ZDHHC15: variants seen among roughly 807,000 people sequenced by gnomAD.
ZDHHC15 encodes the protein palmitoyltransferase ZDHHC15.
Under a neutral mutation model 31.7 loss-of-function variants are expected in ZDHHC15, and 19 were observed. The observed-to-expected ratio is 0.60, with a 90% CI of 0.42 to 0.88. The LOEUF (loss-of-function observed/expected upper bound fraction) is 0.88. Among genes scored for constraint, ZDHHC15 ranks in the 40% least tolerant of loss-of-function variants. The probability of loss-of-function intolerance (pLI) is 0.00; values close to 1 mark genes in which losing one functional copy is unlikely to be tolerated. For missense variants in ZDHHC15, 209 were observed against 251.2 expected, an observed-to-expected ratio of 0.83 and a Z score of 1.14; for synonymous variants, 103 against 90.0, an observed-to-expected ratio of 1.14 and a Z score of -0.82.
At chrX:75,497,855 C>A (rs185286478) in intron 2 of ZDHHC15, among the ~76,000 whole-genome samples, 2 of 110,767 alleles carry the variant, frequency 1.8e-5, no homozygotes, top group Admixed American at 1.9e-4. Context: ...CTATGACAAA[C>A]ACACAGCCAA....
chrX:75,424,911 T>C (rs2083693733), intron 7 of ZDHHC15, 127 bp from the exon 8 acceptor site: 1 of 749,157 alleles, frequency 1.3e-6, no homozygotes, highest in Non-Finnish European at 1.8e-6. Flanking sequence ...ATAGATTCTG[T>C]AAAATTTTTA....
At chrX:75,403,813 G>A (rs2083382840) in intron 10 of ZDHHC15, among the ~76,000 whole-genome samples, 1 of 111,960 alleles carries the variant, frequency 8.9e-6, no homozygotes, top group Admixed American at 9.5e-5. Flanking sequence ...TGGAAGCAAT[G>A]TACAGATTCC....
chrX:75,488,972 A>T (rs7888563), intron 2 of ZDHHC15, among the ~76,000 whole-genome samples: 1 of 110,706 alleles, frequency 9.0e-6, no homozygotes, highest in East Asian at 2.9e-4. Flanking sequence ...GGTTCGGAGG[A>T]TCCTACACCC....
chrX:75,471,385 G>A (rs2084501083), intron 3 of ZDHHC15, among the ~76,000 whole-genome samples: 1 of 112,275 alleles, frequency 8.9e-6, no homozygotes. Flanking sequence ...TGTGTAAGAA[G>A]TAGCAAATAC....
intron 10 of ZDHHC15, among the ~76,000 whole-genome samples, chrX:75,390,703 C>T (rs1198569169): frequency 9.0e-6 from 1 of 111,320 alleles, no homozygotes; most frequent in Non-Finnish European, 1.9e-5. Flanking sequence ...TAGATCACAA[C>T]ACCCAAATCC....
chrX:75,518,769 G>GTATATATGTATATA (rs2085398755), intron 1 of ZDHHC15, among the ~76,000 whole-genome samples: 1 of 32,586 alleles, frequency 3.1e-5, no homozygotes, highest in African/African-American at 1.8e-4. Flanking sequence ...TAACAAACTG[G>GTATATATGTATATA]TATATATATA....
At chrX:75,451,948 C>A (rs1164396459) in intron 3 of ZDHHC15, among the ~76,000 whole-genome samples, 4 of 111,372 alleles carry the variant, frequency 3.6e-5, no homozygotes, top group Middle Eastern at 4.6e-3. Context: ...TAAAGACCAT[C>A]GATGCTAGGA....
chrX:75,450,505 A>C (rs373520226), intron 4 of ZDHHC15, among the ~76,000 whole-genome samples: 7 of 112,199 alleles, frequency 6.2e-5, no homozygotes, highest in East Asian at 5.6e-4. Context: ...CAGAAACATA[A>C]GATGGCTTGA....
At chrX:75,479,267 C>G (rs1373889566) in intron 2 of ZDHHC15, among the ~76,000 whole-genome samples, 1 of 111,925 alleles carries the variant, frequency 8.9e-6, no homozygotes, top group Non-Finnish European at 1.9e-5. Flanking sequence ...ACTACTTCAG[C>G]CAATTGTCAT....
At chrX:75,499,544 T>C (rs1217394357) in intron 2 of ZDHHC15, among the ~76,000 whole-genome samples, 6 of 111,443 alleles carry the variant, frequency 5.4e-5, no homozygotes. Flanking sequence ...TCACTAATGA[T>C]CAGGGAAATG....
intron 1 of ZDHHC15, among the ~76,000 whole-genome samples, chrX:75,519,925 T>C (rs2085419791): frequency 8.9e-6 from 1 of 112,100 alleles, no homozygotes. Flanking sequence ...ATGCAAAATG[T>C]TAAGAAAACA....
chrX:75,410,213 A>T (rs937920705), intron 10 of ZDHHC15, among the ~76,000 whole-genome samples: 2 of 111,610 alleles, frequency 1.8e-5, no homozygotes, highest in Non-Finnish European at 3.8e-5. Flanking sequence ...GACAATTGGG[A>T]TTACATAAAG....
At chrX:75,514,048 C>G (rs1297565509) in intron 1 of ZDHHC15, among the ~76,000 whole-genome samples, 3 of 112,695 alleles carry the variant, frequency 2.7e-5, no homozygotes, top group Non-Finnish European at 5.6e-5. Flanking sequence ...AAAGCGAAAA[C>G]AAGACATTCT....
At chrX:75,479,271 T>C (rs770991280) in intron 2 of ZDHHC15, among the ~76,000 whole-genome samples, 153 of 112,281 alleles carry the variant, frequency 1.4e-3, no homozygotes, top group South Asian at 2.9e-3. Flanking sequence ...CTTCAGCCAA[T>C]TGTCATTATC....
chrX:75,474,578 A>ACACACC, intron 3 of ZDHHC15, among the ~76,000 whole-genome samples: 1 of 98,848 alleles, frequency 1.0e-5, no homozygotes, highest in Non-Finnish European at 2.0e-5. Context: ...CTTTATACAC[A>ACACACC]CACACACACA....
chrX:75,507,592 C>T (rs1426564558), intron 1 of ZDHHC15, among the ~76,000 whole-genome samples: 1 of 111,647 alleles, frequency 9.0e-6, no homozygotes, highest in Non-Finnish European at 1.9e-5. Context: ...TCACTAATCT[C>T]ATGGGTAAGT....
At chrX:75,402,994 A>G (rs2083373683) in intron 10 of ZDHHC15, among the ~76,000 whole-genome samples, 1 of 111,919 alleles carries the variant, frequency 8.9e-6, no homozygotes, top group South Asian at 3.7e-4. Flanking sequence ...CCTCAATAAA[A>G]TATTTGCAAA....
intron 3 of ZDHHC15, among the ~76,000 whole-genome samples, chrX:75,471,031 G>A (rs2084495834): frequency 8.9e-6 from 1 of 112,368 alleles, no homozygotes; most frequent in South Asian, 3.7e-4. Flanking sequence ...GGATTTTGGA[G>A]AATTACAGTG....
At chrX:75,404,958 C>A (rs774893511) in intron 10 of ZDHHC15, among the ~76,000 whole-genome samples, 3 of 111,857 alleles carry the variant, frequency 2.7e-5, no homozygotes, top group Admixed American at 1.9e-4. Flanking sequence ...TTCACAATAG[C>A]AAAGATGTGG....
Sources: allele counts gnomAD v4.1 joint callset (sites outside exome capture counted in the v4.1 genomes callset), GRCh38; gene constraint gnomAD v4.1.1; transcripts MANE v1.5; gene names NCBI Gene and HGNC (gene_info 2026-07-23, HGNC 2026-07-21).